Variants in HBS1L observed in about 807,000 individuals in gnomAD.
HBS1L encodes the protein HBS1 like translational GTPase.
HBS1L carries 55 observed loss-of-function variants against 88.9 expected under a neutral mutation model. The ratio of observed to expected loss-of-function variants is 0.62; its 90% CI spans 0.50 to 0.77. The LOEUF (loss-of-function observed/expected upper bound fraction) is 0.77, where lower values mean the gene tolerates loss of function less well. HBS1L is among the 30% of genes least tolerant of loss of function. HBS1L has a pLI of 0.00. For synonymous variants in HBS1L, 267 were observed against 288.5 expected, an observed-to-expected ratio of 0.93 and a Z score of 0.76; for missense variants, 741 against 829.3, an observed-to-expected ratio of 0.89 and a Z score of 1.31.
At chr6:135,031,438 C>T (rs925366423) in intron 4 of HBS1L, among the ~76,000 whole-genome samples, 4 of 152,012 alleles carry the variant, frequency 2.6e-5, no homozygotes, top group African/African-American at 9.7e-5. Flanking sequence ...TATGTGCACA[C>T]ACACATACAT....
At chr6:134,979,697 TTTAA>T (rs1774764992) in intron 13 of HBS1L, among the ~76,000 whole-genome samples, 2 of 152,026 alleles carry the variant, frequency 1.3e-5, no homozygotes, top group Admixed American at 1.3e-4. Flanking sequence ...GAGTTTTGCT[TTTAA>T]TTAGACAACC....
chr6:134,982,255 C>T (rs75240475), intron 13 of HBS1L: 1 of 508,026 alleles, frequency 2.0e-6, no homozygotes, highest in Non-Finnish European at 3.5e-6. Flanking sequence ...TGTTTATGTA[C>T]ATATATATAC....
intron 4 of HBS1L, 87 bp downstream of exon 4, chr6:135,039,486 T>C (rs895413120): frequency 1.4e-5 from 15 of 1,065,508 alleles, no homozygotes; most frequent in South Asian, 8.6e-5. Context: ...GCAAATTAAA[T>C]ATTTTCTTAA....
At chr6:134,991,976 G>A (rs1775152259) in intron 8 of HBS1L, among the ~76,000 whole-genome samples, 1 of 152,160 alleles carries the variant, frequency 6.6e-6, no homozygotes, top group Non-Finnish European at 1.5e-5. Flanking sequence ...GCTGGGGTGA[G>A]AGGATCCCTT....
intron 4 of HBS1L, among the ~76,000 whole-genome samples, chr6:135,031,464 G>A (rs1776382350): frequency 6.6e-6 from 1 of 152,010 alleles, no homozygotes; most frequent in African/African-American, 2.4e-5. Flanking sequence ...TATTTATAAG[G>A]TGGGAATAAC....
chr6:134,985,932 A>C (rs145319181), intron 11 of HBS1L, 134 bp downstream of exon 11: 2 of 608,394 alleles, frequency 3.3e-6, no homozygotes, highest in African/African-American at 3.8e-5. Context: ...CATGATGACA[A>C]AACAGGTAAC....
At position 134,996,785 on chromosome 6, in the gene HBS1L, T is replaced by G. The variant is rs1562286801; in HGVS notation, c.957A>C (p.Glu319Asp). 1 of 1,593,150 alleles carries G rather than the reference T, an allele frequency of 6.3e-7. No individual in the cohort carries two copies. Among genetic ancestry groups the G allele is most frequent in the Non-Finnish European group, 8.5e-7 (1 of 1,172,676 alleles). ...TGAAATATAGTGACTACCTTTCCCTTTCTTCGCCAGTTTCATCCAAGACCC... is the reference window on the plus strand; with the variant it reads ...TGAAATATAGTGACTACCTTTCCCTGTCTTCGCCAGTTTCATCCAAGACCC... ...YAWVLDETGE[E>D]RERGVTMDVG... The change falls in exon 7 of 18, where the codon GAA becomes GAC. Residue 319 changes from glutamate (E) to aspartate (D), a missense_variant. This residue lies in a region of HBS1L where 556 missense variants were observed against 598.4 expected (regional missense o/e 0.93). Coordinates refer to ENST00000367837, the MANE Select transcript of HBS1L (RefSeq NM_006620.4).
At chr6:135,046,624 C>T (rs1488829679) in intron 2 of HBS1L, among the ~76,000 whole-genome samples, 1 of 152,146 alleles carries the variant, frequency 6.6e-6, no homozygotes, top group East Asian at 1.9e-4. Flanking sequence ...TTTGGAAGGC[C>T]GACACAGGAG....
intron 4 of HBS1L, among the ~76,000 whole-genome samples, chr6:135,023,804 T>C (rs891799592): frequency 2.0e-5 from 3 of 152,162 alleles, no homozygotes; most frequent in African/African-American, 7.2e-5. Context: ...TAAACAATCA[T>C]CTTAATGATC....
intron 15 of HBS1L, among the ~76,000 whole-genome samples, chr6:134,972,027 A>C (rs1774504130): frequency 6.6e-6 from 1 of 152,206 alleles, no homozygotes. Context: ...CTGGTGCAGA[A>C]ACATTAATAT....
chr6:134,996,488 C>T (rs1775291252), intron 7 of HBS1L, among the ~76,000 whole-genome samples: 1 of 152,110 alleles, frequency 6.6e-6, no homozygotes. Flanking sequence ...ACAACTGAAA[C>T]TTATCCCATA....
chr6:135,043,622 C>A (rs960219137), intron 2 of HBS1L, among the ~76,000 whole-genome samples: 1 of 152,020 alleles, frequency 6.6e-6, no homozygotes, highest in Admixed American at 6.5e-5. Context: ...ATTCTAAAAG[C>A]CAAATGAGTA....
chr6:135,025,252 T>C (rs1372168799), intron 4 of HBS1L, among the ~76,000 whole-genome samples: 1 of 152,108 alleles, frequency 6.6e-6, no homozygotes. Flanking sequence ...ATGAAGAACT[T>C]CTTACCAAAC....
chr6:135,046,259 T>A (rs1463816675), intron 2 of HBS1L, among the ~76,000 whole-genome samples: 1 of 152,032 alleles, frequency 6.6e-6, no homozygotes, highest in African/African-American at 2.4e-5. Context: ...TTATTTTCTT[T>A]ACCCACAGTA....
Position 134,979,247 on chromosome 6 carries a change from G to A in HBS1L, c.1619C>T (p.Pro540Leu), listed in dbSNP as rs145782441. 6.2e-7 allele frequency: 1 copy of A among 1,611,884 alleles called. No homozygotes were observed. Among genetic ancestry groups the A allele is most frequent in the Non-Finnish European group, 8.5e-7 (1 of 1,178,440 alleles). Reference sequence around the variant, plus strand: ...ATCGCCTGCTGCCGCCCAGTCGACAGGTTCATCATGCAGAGTGATTCCTGG... The same window carrying A: ...ATCGCCTGCTGCCGCCCAGTCGACAAGTTCATCATGCAGAGTGATTCCTGG... ...TVKGITLHDE[P>L]VDWAAAGDHV... Residue 540 changes from proline to leucine, a missense_variant, in exon 14 of 18, where the codon CCT (proline) becomes CTT (leucine). Pro to Leu is a moderately conservative substitution (Grantham distance 98). Around this residue, in one of 3 missense-constraint regions of HBS1L, gnomAD observed 181 missense variants for 212.7 expected, o/e 0.85. Transcript: ENST00000367837.
chr6:135,029,382 C>T (rs1776324597), intron 4 of HBS1L, among the ~76,000 whole-genome samples: 1 of 151,750 alleles, frequency 6.6e-6, no homozygotes, highest in African/African-American at 2.4e-5. Flanking sequence ...CACATACACA[C>T]ACACATACAC....
Position 134,969,857 on chromosome 6 carries a change from C to T in HBS1L, c.1798-519G>A, listed in dbSNP as rs1216114785. On this transcript the variant is annotated intron_variant, in intron 15 of 17. Transcript: ENST00000367837. ...CACAGTGCTTGCCATGGTAGAAGTT[C>T]AACCAATATAAATTGTCTCACACAG... 3.3e-5 allele frequency among the ~76,000 whole-genome samples: 5 copies of T among 152,032 alleles called. No individual in the cohort carries two copies. In the East Asian group the frequency reaches 9.6e-4, roughly 29 times the overall value.
At chr6:134,979,143 A>G (rs770139470) in intron 14 of HBS1L, 35 bp downstream of exon 14, 1 of 1,479,324 alleles carries the variant, frequency 6.8e-7, no homozygotes, top group Non-Finnish European at 9.4e-7. Context: ...TCCTATATGA[A>G]GACAACGGTT....
At chr6:135,036,349 A>G (rs1375911134) in intron 4 of HBS1L, 1 of 1,228,848 alleles carries the variant, frequency 8.1e-7, no homozygotes, top group East Asian at 3.5e-5. Flanking sequence ...TACTCAGTAT[A>G]GGTTACCAAC....
Sources: gnomAD v4.1 joint callset for allele counts (sites outside exome capture counted in the v4.1 genomes callset) on GRCh38, gnomAD v4.1.1 for gene constraint, gnomAD v4.1.1 regional missense constraint, MANE v1.5 for transcripts, NCBI Gene and HGNC (gene_info 2026-07-23, HGNC 2026-07-21) for gene names.